KCNJ6: variants seen among roughly 807,000 people sequenced by gnomAD.
KCNJ6 encodes the protein G protein-activated inward rectifier potassium channel 2.
A neutral mutation model predicts 34.2 loss-of-function variants in KCNJ6; 9 were observed. That is an observed-to-expected ratio of 0.26 (90% CI 0.16 to 0.46). KCNJ6 has a LOEUF of 0.46. Among genes scored for constraint, KCNJ6 ranks in the 20% least tolerant of loss-of-function variants. KCNJ6 has a pLI of 1.00. For synonymous variants in KCNJ6, 196 were observed against 207.1 expected, an observed-to-expected ratio of 0.95 and a Z score of 0.46; for missense variants, 236 against 531.3, an observed-to-expected ratio of 0.44 and a Z score of 5.46.
At chr21:37,655,240 A>G (rs1190460335) in intron 3 of KCNJ6, among the ~76,000 whole-genome samples, 2 of 8,876 alleles carry the variant, frequency 2.3e-4, no homozygotes, top group African/African-American at 1.1e-3. Flanking sequence ...AGAGAGAGAG[A>G]GAGAGAGAGA....
intron 2 of KCNJ6, among the ~76,000 whole-genome samples, chr21:37,795,328 T>G (rs2055236030): frequency 6.6e-6 from 1 of 152,170 alleles, no homozygotes; most frequent in Admixed American, 6.5e-5. Context: ...ACTTACAATG[T>G]GTACAGCAGG....
intron 3 of KCNJ6, among the ~76,000 whole-genome samples, chr21:37,651,923 A>G (rs2054435530): frequency 6.6e-6 from 1 of 152,040 alleles, no homozygotes; most frequent in South Asian, 2.1e-4. Context: ...CTTATTTTCA[A>G]CCTTACTGAC....
At chr21:37,651,412 GA>G (rs1198700397) in intron 3 of KCNJ6, among the ~76,000 whole-genome samples, 1 of 152,172 alleles carries the variant, frequency 6.6e-6, no homozygotes, top group Non-Finnish European at 1.5e-5. Context: ...TCTGTGTTTT[GA>G]AAAGAGCCCT....
intron 1 of KCNJ6, among the ~76,000 whole-genome samples, chr21:37,878,765 G>A (rs1024106872): frequency 6.6e-6 from 1 of 152,126 alleles, no homozygotes; most frequent in African/African-American, 2.4e-5. Flanking sequence ...AAGAGGGTCC[G>A]GGAGGGAAAG....
intron 3 of KCNJ6, among the ~76,000 whole-genome samples, chr21:37,672,080 G>C (rs971988983): frequency 4.6e-5 from 7 of 152,048 alleles, no homozygotes; most frequent in African/African-American, 1.7e-4. Flanking sequence ...AGGGAATTGT[G>C]TCTTGACCCA....
At chr21:37,891,459 A>G (rs965658450) in intron 1 of KCNJ6, among the ~76,000 whole-genome samples, 4 of 152,204 alleles carry the variant, frequency 2.6e-5, no homozygotes, top group Admixed American at 2.0e-4. Context: ...ATTTTGCCTC[A>G]TATCTATGAA....
At chr21:37,706,525 C>G (rs932580647) in intron 3 of KCNJ6, among the ~76,000 whole-genome samples, 2 of 152,196 alleles carry the variant, frequency 1.3e-5, no homozygotes, top group African/African-American at 4.8e-5. Flanking sequence ...AGGGGCTGCT[C>G]CTTCAGTCTG....
intron 3 of KCNJ6, among the ~76,000 whole-genome samples, chr21:37,691,281 C>T (rs909618989): frequency 6.6e-6 from 1 of 152,200 alleles, no homozygotes; most frequent in East Asian, 1.9e-4. Context: ...GGGCCTCTGT[C>T]AGGACCTCTA....
rs889749322 is a variant in KCNJ6 at position 37,612,849 on chromosome 21, TATAAG to T, written c.*12305_*12309del. The T allele has an allele frequency of 5.8e-4, 38 of 65,782 alleles. No individual in the cohort carries two copies. In the East Asian group the frequency reaches 6.6e-3, roughly 11 times the overall value. 4.1% of individuals were successfully genotyped at this position (65,782 alleles called of 1,614,324 possible). A position where few individuals can be genotyped will look rare whatever the true frequency, so the allele number is the denominator to read the frequency against. On this transcript the variant is annotated 3_prime_UTR_variant, in exon 4 of 4. Transcript: ENST00000609713. ...ACTATACAACTCCTAGAAGGTAACATATAAGAGAAAACTTAGATGACCTTGGATAT... is the reference window on the plus strand; with the variant it reads ...ACTATACAACTCCTAGAAGGTAACATAGAAAACTTAGATGACCTTGGATAT...
intron 3 of KCNJ6, among the ~76,000 whole-genome samples, chr21:37,654,407 C>T (rs1569438591): frequency 7.8e-6 from 1 of 127,726 alleles, no homozygotes. Flanking sequence ...GCTGTCTTGA[C>T]ATTTGGTAAA....
At chr21:37,826,970 C>T (rs947632530) in intron 2 of KCNJ6, among the ~76,000 whole-genome samples, 5 of 152,120 alleles carry the variant, frequency 3.3e-5, no homozygotes, top group Non-Finnish European at 7.3e-5. Flanking sequence ...AGGCTTGTCC[C>T]TGGGATGTGG....
chr21:37,847,173 A>T (rs1290763024), intron 1 of KCNJ6, among the ~76,000 whole-genome samples: 1 of 152,250 alleles, frequency 6.6e-6, no homozygotes, highest in Admixed American at 6.5e-5. Context: ...ATATATAAAA[A>T]TAGTAACTCC....
At chr21:37,854,061 T>C (rs928035569) in intron 1 of KCNJ6, among the ~76,000 whole-genome samples, 6 of 149,640 alleles carry the variant, frequency 4.0e-5, no homozygotes, top group Non-Finnish European at 7.4e-5. Context: ...AACAAAAAAT[T>C]AAATGGCCAA....
At chr21:37,678,531 C>T (rs981144211) in intron 3 of KCNJ6, among the ~76,000 whole-genome samples, 1 of 152,134 alleles carries the variant, frequency 6.6e-6, no homozygotes, top group African/African-American at 2.4e-5. Flanking sequence ...CCATGATAGG[C>T]AGTGGTGCCT....
intron 2 of KCNJ6, among the ~76,000 whole-genome samples, chr21:37,782,464 C>A (rs981873009): frequency 1.3e-5 from 2 of 152,150 alleles, no homozygotes. Context: ...ATACTTAGTG[C>A]CCACTTGCTC....
chr21:37,638,771 C>T (rs2835848), intron 3 of KCNJ6, among the ~76,000 whole-genome samples: 40,604 of 152,062 alleles, frequency 0.27, 5,813 homozygotes, highest in South Asian at 0.32. Flanking sequence ...TAAGAAATCA[C>T]GAGATAGCCC....
chr21:37,755,318 C>T (rs1162873331), intron 2 of KCNJ6, among the ~76,000 whole-genome samples: 1 of 152,092 alleles, frequency 6.6e-6, no homozygotes, highest in African/African-American at 2.4e-5. Context: ...AAAACAACTA[C>T]ACAAACACAC....
At chr21:37,715,858 C>T (rs1164883388) in intron 2 of KCNJ6, among the ~76,000 whole-genome samples, 1 of 152,190 alleles carries the variant, frequency 6.6e-6, no homozygotes, top group Non-Finnish European at 1.5e-5. Flanking sequence ...TGAACTCCAG[C>T]CTCCAGAACG....
At chr21:37,802,198 C>T (rs1459749523) in intron 2 of KCNJ6, among the ~76,000 whole-genome samples, 1 of 152,164 alleles carries the variant, frequency 6.6e-6, no homozygotes, top group East Asian at 1.9e-4. Context: ...CTTAGCCTTC[C>T]CTCTAAGCAA....
Sources: gnomAD v4.1 joint callset for allele counts (sites outside exome capture counted in the v4.1 genomes callset) on GRCh38, gnomAD v4.1.1 for gene constraint, MANE v1.5 for transcripts, NCBI Gene and HGNC (gene_info 2026-07-23, HGNC 2026-07-21) for gene names.